The following CIRSR variants were observed in gnomAD, a reference collection of about 807,000 sequenced individuals.
CIRSR encodes corepressor of RBPJ and splicing regulator.
the CIRSR span, chr2:174,379,164 CTCCAAACTATGT>C: frequency 5.9e-6 from 4 of 674,418 alleles, no homozygotes; most frequent in Non-Finnish European, 1.0e-5. Context: ...GGGAAAAAGA[CTCCAAACTATGT>C]TTGGTAATTT....
the CIRSR span, among the ~76,000 whole-genome samples, chr2:174,369,754 A>G: frequency 6.6e-6 from 1 of 152,234 alleles, no homozygotes; most frequent in South Asian, 2.1e-4. Context: ...TGGAGCATTC[A>G]GAATACACAA....
At chr2:174,390,405 G>A in the CIRSR span, among the ~76,000 whole-genome samples, 1 of 152,174 alleles carries the variant, frequency 6.6e-6, no homozygotes, top group Non-Finnish European at 1.5e-5. Context: ...ATTGGGGATG[G>A]GTGTATTTAC....
At chr2:174,383,864 A>AG in the CIRSR span, among the ~76,000 whole-genome samples, 9 of 151,562 alleles carry the variant, frequency 5.9e-5, no homozygotes, top group South Asian at 2.1e-4. Context: ...AAAAAAAAAA[A>AG]AAAGAAAATA....
the CIRSR span, among the ~76,000 whole-genome samples, chr2:174,358,777 A>G: frequency 2.6e-5 from 4 of 152,148 alleles, no homozygotes; most frequent in African/African-American, 9.7e-5. Flanking sequence ...CAGTGGCACA[A>G]TCTCAGCTCA....
chr2:174,350,429 A>G, the CIRSR span, among the ~76,000 whole-genome samples: 1 of 152,362 alleles, frequency 6.6e-6, no homozygotes, highest in Admixed American at 6.5e-5. Context: ...TAAATTAAAC[A>G]TTCTGAAAAG....
At chr2:174,383,448 G>A in the CIRSR span, among the ~76,000 whole-genome samples, 6 of 152,124 alleles carry the variant, frequency 3.9e-5, no homozygotes, top group South Asian at 4.2e-4. Flanking sequence ...AGCTGGGCAC[G>A]GGGGCTCACA....
the CIRSR span, among the ~76,000 whole-genome samples, chr2:174,382,617 C>T: frequency 6.6e-6 from 1 of 151,994 alleles, no homozygotes; most frequent in Admixed American, 6.6e-5. Context: ...CCAGCCTGGG[C>T]GACAGAGCCA....
chr2:174,381,420 C>T, the CIRSR span, among the ~76,000 whole-genome samples: 2 of 151,964 alleles, frequency 1.3e-5, no homozygotes, highest in South Asian at 2.1e-4. Context: ...TTTGGGAGGC[C>T]GAGGTAGGTG....
chr2:174,357,508 G>C, the CIRSR span, among the ~76,000 whole-genome samples: 8 of 152,112 alleles, frequency 5.3e-5, no homozygotes, highest in South Asian at 8.3e-4. Context: ...AACCATAAAA[G>C]TTGTTTTAAA....
At chr2:174,366,514 T>G in the CIRSR span, among the ~76,000 whole-genome samples, 1 of 152,188 alleles carries the variant, frequency 6.6e-6, no homozygotes, top group Non-Finnish European at 1.5e-5. Flanking sequence ...AGGAATTTTT[T>G]GCCAGTAGAC....
At chr2:174,363,743 TA>T in the CIRSR span, among the ~76,000 whole-genome samples, 2 of 152,154 alleles carry the variant, frequency 1.3e-5, no homozygotes, top group East Asian at 1.9e-4. Flanking sequence ...TTCCTCTTTT[TA>T]AAACCATCGG....
At chr2:174,361,851 CTTA>C in the CIRSR span, among the ~76,000 whole-genome samples, 1 of 151,992 alleles carries the variant, frequency 6.6e-6, no homozygotes, top group African/African-American at 2.4e-5. Flanking sequence ...TTAGGCAATT[CTTA>C]TTTTTTTTTA....
the CIRSR span, among the ~76,000 whole-genome samples, chr2:174,382,390 G>C: frequency 6.6e-6 from 1 of 152,182 alleles, no homozygotes. Flanking sequence ...TGTAATCCCA[G>C]CACGCTGGGA....
At chr2:174,382,505 G>C in the CIRSR span, among the ~76,000 whole-genome samples, 1 of 152,080 alleles carries the variant, frequency 6.6e-6, no homozygotes, top group South Asian at 2.1e-4. Flanking sequence ...CAGGCGTAGT[G>C]CTGCGTGCCT....
At chr2:174,393,026 G>C in the CIRSR span, among the ~76,000 whole-genome samples, 1 of 152,156 alleles carries the variant, frequency 6.6e-6, no homozygotes. Flanking sequence ...TATATTTTAG[G>C]AGCAGGCTAA....
the CIRSR span, chr2:174,395,685 G>A: frequency 8.1e-6 from 13 of 1,613,094 alleles, no homozygotes; most frequent in Admixed American, 6.7e-5. Context: ...AAACTCAGCC[G>A]CCTAACCGGA....
chr2:174,351,908 G>C, the CIRSR span: 3 of 437,312 alleles, frequency 6.9e-6, no homozygotes, highest in Non-Finnish European at 1.2e-5. Flanking sequence ...ATTCAGAATA[G>C]AAAATAATTG....
At chr2:174,351,618 C>A in the CIRSR span, 5 of 1,609,636 alleles carry the variant, frequency 3.1e-6, no homozygotes, top group East Asian at 2.2e-5. Context: ...AAGATCATTA[C>A]CTGTGATGGA....
chr2:174,387,891 A>C, the CIRSR span: 1 of 877,638 alleles, frequency 1.1e-6, no homozygotes, highest in Non-Finnish European at 1.7e-6. Context: ...AGGAGTGCCC[A>C]ATCTTTTGGC....
Sources: gnomAD v4.1 joint callset for allele counts (sites outside exome capture counted in the v4.1 genomes callset) on GRCh38, gnomAD v4.1.1 for gene constraint, MANE v1.5 for transcripts, NCBI Gene and HGNC (gene_info 2026-07-23, HGNC 2026-07-21) for gene names.